FRMD4A: variants seen among roughly 807,000 people sequenced by gnomAD.
FRMD4A encodes FERM domain-containing protein 4A.
Under a neutral mutation model 129.1 loss-of-function variants are expected in FRMD4A, and 29 were observed. The ratio of observed to expected loss-of-function variants is 0.22; its 90% CI spans 0.17 to 0.31. The LOEUF (loss-of-function observed/expected upper bound fraction) is 0.31. Ranked by LOEUF, FRMD4A falls within the 10% of genes least tolerant of loss-of-function variation. The pLI is 1.00. For missense variants in FRMD4A, 1,272 were observed against 1,375.8 expected, an observed-to-expected ratio of 0.92 and a Z score of 1.19; for synonymous variants, 634 against 571.6, an observed-to-expected ratio of 1.11 and a Z score of -1.56.
intron 14 of FRMD4A, among the ~76,000 whole-genome samples, chr10:13,694,251 A>G (rs77357395): frequency 0.023 from 3,479 of 152,340 alleles, 68 homozygotes; most frequent in African/African-American, 0.053. Flanking sequence ...AGCTGCATCA[A>G]TTGAGGATGT....
intron 2 of FRMD4A, among the ~76,000 whole-genome samples, chr10:14,150,493 C>T (rs1840287141): frequency 6.6e-6 from 1 of 152,172 alleles, no homozygotes; most frequent in African/African-American, 2.4e-5. Flanking sequence ...TTCTAGATTA[C>T]ATTCCTGTCC....
intron 2 of FRMD4A, among the ~76,000 whole-genome samples, chr10:14,175,202 C>A (rs1338585966): frequency 6.6e-6 from 1 of 152,196 alleles, no homozygotes; most frequent in Non-Finnish European, 1.5e-5. Flanking sequence ...ACCCCTTTTG[C>A]ATCATATATG....
chr10:13,820,410 CTTGGTCT>C (rs1363700517), intron 3 of FRMD4A, among the ~76,000 whole-genome samples: 6 of 152,244 alleles, frequency 3.9e-5, no homozygotes, highest in Admixed American at 3.9e-4. Flanking sequence ...GCAGGCGGGC[CTTGGTCT>C]CAGCCGACCT....
At chr10:13,791,816 G>C (rs1304709698) in intron 5 of FRMD4A, among the ~76,000 whole-genome samples, 1 of 152,152 alleles carries the variant, frequency 6.6e-6, no homozygotes, top group Non-Finnish European at 1.5e-5. Flanking sequence ...GTAAGTCTCG[G>C]GAGTGACACA....
chr10:13,968,269 A>G (rs907169148), intron 2 of FRMD4A, among the ~76,000 whole-genome samples: 166 of 152,360 alleles, frequency 1.1e-3, no homozygotes, highest in African/African-American at 3.9e-3. Flanking sequence ...GCCATCAGCC[A>G]TCGCCTTAGC....
intron 2 of FRMD4A, among the ~76,000 whole-genome samples, chr10:14,112,388 C>T (rs1208553598): frequency 2.6e-5 from 4 of 152,192 alleles, no homozygotes; most frequent in Admixed American, 6.5e-5. Context: ...GAGCAGTTTG[C>T]GGCGGTCTCG....
chr10:14,175,383 T>C (rs1841682035), intron 2 of FRMD4A, among the ~76,000 whole-genome samples: 1 of 152,142 alleles, frequency 6.6e-6, no homozygotes, highest in African/African-American at 2.4e-5. Flanking sequence ...CCCTGCCTCT[T>C]CCTTCATTGA....
At chr10:13,998,249 A>G (rs916517862) in intron 2 of FRMD4A, among the ~76,000 whole-genome samples, 6 of 151,868 alleles carry the variant, frequency 4.0e-5, no homozygotes, top group Non-Finnish European at 8.8e-5. Flanking sequence ...ACTCTTATCA[A>G]CTCTCTAGGG....
At chr10:14,025,948 G>C (rs1185252601) in intron 2 of FRMD4A, among the ~76,000 whole-genome samples, 1 of 152,150 alleles carries the variant, frequency 6.6e-6, no homozygotes, top group East Asian at 1.9e-4. Flanking sequence ...ATCTCTCAGG[G>C]ACACGTGGCT....
At chr10:14,060,794 A>G (rs1834771680) in intron 2 of FRMD4A, among the ~76,000 whole-genome samples, 1 of 152,214 alleles carries the variant, frequency 6.6e-6, no homozygotes, top group Non-Finnish European at 1.5e-5. Context: ...CCACTTATAT[A>G]GAGAGGAAAT....
At chr10:14,021,956 T>G (rs1177435611) in intron 2 of FRMD4A, among the ~76,000 whole-genome samples, 1 of 152,178 alleles carries the variant, frequency 6.6e-6, no homozygotes, top group Non-Finnish European at 1.5e-5. Context: ...CTGCGTTTTT[T>G]TTTGCATTTT....
At chr10:13,742,625 T>A (rs944747397) in intron 9 of FRMD4A, among the ~76,000 whole-genome samples, 20 of 152,210 alleles carry the variant, frequency 1.3e-4, no homozygotes, top group African/African-American at 4.8e-4. Flanking sequence ...CAAGCAATTA[T>A]CCTGCCTCAG....
At chr10:14,227,240 CTTCTTTTT>C (rs1843472096) in intron 2 of FRMD4A, among the ~76,000 whole-genome samples, 1 of 93,962 alleles carries the variant, frequency 1.1e-5, no homozygotes, top group South Asian at 4.1e-4. Context: ...TTCTCTTCTT[CTTCTTTTT>C]TTTTTTTTTT....
intron 6 of FRMD4A, among the ~76,000 whole-genome samples, chr10:13,779,567 T>A (rs17153988): frequency 0.014 from 2,142 of 152,280 alleles, 97 homozygotes; most frequent in South Asian, 0.12. Flanking sequence ...AGGTAAGAGG[T>A]AGAACTTAAG....
chr10:14,327,315 C>T (rs1044738521), intron 2 of FRMD4A, among the ~76,000 whole-genome samples: 4 of 152,234 alleles, frequency 2.6e-5, no homozygotes, highest in African/African-American at 4.8e-5. Context: ...CATAGCAATA[C>T]TGCTCATGTG....
intron 2 of FRMD4A, among the ~76,000 whole-genome samples, chr10:14,084,097 T>C (rs933352089): frequency 2.6e-5 from 4 of 152,234 alleles, no homozygotes; most frequent in Admixed American, 2.0e-4. Context: ...CAGCCCTGAC[T>C]GCTGCTTGTG....
intron 2 of FRMD4A, among the ~76,000 whole-genome samples, chr10:14,039,876 T>G (rs11258816): frequency 0.019 from 2,885 of 152,278 alleles, 36 homozygotes; most frequent in East Asian, 0.046. Context: ...ATCCTTAACT[T>G]TGGCAAAATA....
At chr10:13,970,463 A>G (rs960812829) in intron 2 of FRMD4A, among the ~76,000 whole-genome samples, 1 of 152,196 alleles carries the variant, frequency 6.6e-6, no homozygotes, top group East Asian at 1.9e-4. Context: ...TGGTTTAGCC[A>G]GTGCGTTTTA....
rs559551662 is a variant in FRMD4A, at chr10:13,649,927, T to C, written c.*2+1976A>G. 3.9e-5 allele frequency among the ~76,000 whole-genome samples: 6 copies of C among 152,248 alleles called. No homozygotes were observed. The East Asian group carries it at 1.2e-3, about 29-fold the overall frequency. On this transcript the variant is annotated intron_variant, in intron 24 of 24. Transcript: ENST00000357447. ...AACATGAGCTGGGGCAGGATGAAGA[T>C]CTAGGTGTGCTCTCTCAACTGTGAC...
Sources: gnomAD v4.1 joint callset for allele counts (sites outside exome capture counted in the v4.1 genomes callset) on GRCh38, gnomAD v4.1.1 for gene constraint, MANE v1.5 for transcripts, NCBI Gene and HGNC (gene_info 2026-07-23, HGNC 2026-07-21) for gene names.